The following DLG2 variants were observed in gnomAD, a reference collection of about 807,000 sequenced individuals.
DLG2 encodes the protein discs large MAGUK scaffold protein 2.
A neutral mutation model predicts 132.5 loss-of-function variants in DLG2; 45 were observed. The observed-to-expected ratio is 0.34, with a 90% CI of 0.27 to 0.44. DLG2 has a LOEUF of 0.44. DLG2 is among the 20% of genes least tolerant of loss of function. DLG2 has a pLI of 1.00. For synonymous variants in DLG2, 424 were observed against 419.6 expected (o/e 1.01, Z -0.13); for missense variants, 1,045 against 1,196.9 (o/e 0.87, Z 1.87).
intron 7 of DLG2, among the ~76,000 whole-genome samples, chr11:84,352,724 C>T (rs142158792): frequency 6.6e-5 from 10 of 152,154 alleles, no homozygotes; most frequent in South Asian, 2.1e-4. Context: ...TAATATTCCC[C>T]GAAATTCTGG....
At chr11:85,568,945 G>A (rs2077689820) in intron 3 of DLG2, among the ~76,000 whole-genome samples, 1 of 151,978 alleles carries the variant, frequency 6.6e-6, no homozygotes, top group Admixed American at 6.6e-5. Context: ...TTCCCTGTTT[G>A]CTTTGGGTTT....
At chr11:83,962,806 C>G (rs2089185465) in intron 14 of DLG2, 79 bp downstream of exon 14, 1 of 1,551,414 alleles carries the variant, frequency 6.4e-7, no homozygotes, top group Middle Eastern at 1.7e-4. Context: ...GCATCCAAAA[C>G]AACACCTGAC....
intron 17 of DLG2, among the ~76,000 whole-genome samples, chr11:83,788,279 C>A (rs529103157): frequency 1.8e-4 from 28 of 152,298 alleles, no homozygotes; most frequent in Middle Eastern, 3.4e-3. Flanking sequence ...ATAATAACTT[C>A]GTTAACATCT....
chr11:84,972,110 A>G (rs1393215516), intron 6 of DLG2, among the ~76,000 whole-genome samples: 2 of 152,162 alleles, frequency 1.3e-5, no homozygotes, highest in African/African-American at 4.8e-5. Flanking sequence ...ACTGTTTTAA[A>G]TTCTTATCAC....
chr11:84,278,584 A>T (rs555896699), intron 7 of DLG2, among the ~76,000 whole-genome samples: 175 of 152,232 alleles, frequency 1.1e-3, no homozygotes, highest in African/African-American at 3.9e-3. Context: ...TTCTTAAAAA[A>T]TTTTTTAGCA....
At chr11:85,121,931 T>C (rs1197275399) in intron 5 of DLG2, among the ~76,000 whole-genome samples, 1 of 152,174 alleles carries the variant, frequency 6.6e-6, no homozygotes, top group Non-Finnish European at 1.5e-5. Flanking sequence ...CAGAAGTACA[T>C]GGATATCTAC....
In DLG2 at chr11:84,139,489, G is replaced by C. The variant is rs1276045511; in HGVS notation, c.624+23972C>G. Among the ~76,000 whole-genome samples the C allele has an allele frequency of 2.6e-5, 4 of 151,638 alleles. No homozygotes were observed. In the East Asian group the frequency reaches 7.7e-4, roughly 29 times the overall value. Reference sequence around the variant, plus strand: ...AGGCCTATAACATGAATAGCAATTGGACTAGTAGTAATAATAATAATTACT... The same window carrying C: ...AGGCCTATAACATGAATAGCAATTGCACTAGTAGTAATAATAATAATTACT... On this transcript the variant is annotated intron_variant, in intron 9 of 27. Transcript: ENST00000376104.
intron 6 of DLG2, among the ~76,000 whole-genome samples, chr11:84,866,780 A>G (rs2084638477): frequency 6.6e-6 from 1 of 152,136 alleles, no homozygotes; most frequent in African/African-American, 2.4e-5. Context: ...TTTTTTGAAA[A>G]AAGTGAAGAA....
chr11:83,874,307 AGAAG>A (rs2064180760), intron 16 of DLG2, 109 bp downstream of exon 16: 3 of 546,020 alleles, frequency 5.5e-6, no homozygotes, highest in Non-Finnish European at 8.7e-6. Context: ...AAGGAAGGAA[AGAAG>A]GAAGGGAGGG....
At chr11:84,439,070 G>T (rs1033775257) in intron 7 of DLG2, among the ~76,000 whole-genome samples, 1 of 152,154 alleles carries the variant, frequency 6.6e-6, no homozygotes, top group Non-Finnish European at 1.5e-5. Flanking sequence ...ACAGGACATT[G>T]GTAGTCAGAA....
At chr11:85,516,779 A>G (rs1236450378) in intron 3 of DLG2, among the ~76,000 whole-genome samples, 2 of 152,044 alleles carry the variant, frequency 1.3e-5, no homozygotes, top group Non-Finnish European at 2.9e-5. Context: ...AATCAGTAAT[A>G]AAAACTTTCC....
At chr11:84,943,044 C>T (rs927778238) in intron 6 of DLG2, among the ~76,000 whole-genome samples, 1 of 151,966 alleles carries the variant, frequency 6.6e-6, no homozygotes, top group Admixed American at 6.6e-5. Flanking sequence ...GTGACTCCTG[C>T]TCTTTTTTGG....
At chr11:84,718,679 T>A (rs2061479029) in intron 6 of DLG2, among the ~76,000 whole-genome samples, 1 of 152,222 alleles carries the variant, frequency 6.6e-6, no homozygotes, top group African/African-American at 2.4e-5. Flanking sequence ...TTCATGGGAA[T>A]GGATTTTAAA....
chr11:85,132,412 G>A lies in DLG2; in HGVS notation c.283-20677C>T, dbSNP rs369020519. On this transcript the variant is annotated intron_variant, in intron 5 of 27. Transcript: ENST00000376104. ...GCTAATTATCACACTCAGAAAGACT[G>A]CCCTGATATGTTAAGTTAAACTGAT... Among the ~76,000 whole-genome samples the A allele has an allele frequency of 3.3e-5, 5 of 152,010 alleles. No homozygotes were observed. In the East Asian group the frequency reaches 9.7e-4, roughly 29 times the overall value.
intron 3 of DLG2, among the ~76,000 whole-genome samples, chr11:85,533,116 C>T (rs894820808): frequency 2.6e-5 from 4 of 152,114 alleles, no homozygotes; most frequent in South Asian, 2.1e-4. Flanking sequence ...CTCCCCCTCC[C>T]GGGTTCAAGC....
chr11:85,006,722 A>G (rs1262270559), intron 6 of DLG2, among the ~76,000 whole-genome samples: 1 of 150,768 alleles, frequency 6.6e-6, no homozygotes, highest in African/African-American at 2.4e-5. Context: ...TCTTGTCTCT[A>G]TCTCCTTCAG....
chr11:85,475,432 C>T (rs1250857068), intron 3 of DLG2, among the ~76,000 whole-genome samples: 3 of 151,984 alleles, frequency 2.0e-5, no homozygotes, highest in Admixed American at 6.6e-5. Flanking sequence ...ACATTATATG[C>T]CAATTTTATT....
chr11:84,703,789 A>G (rs1439907849), intron 6 of DLG2, among the ~76,000 whole-genome samples: 1 of 148,592 alleles, frequency 6.7e-6, no homozygotes, highest in Non-Finnish European at 1.5e-5. Context: ...AAATGTCCAT[A>G]AGAGCTCCTG....
At chr11:84,126,212 G>A (rs999712338) in intron 9 of DLG2, among the ~76,000 whole-genome samples, 6 of 152,052 alleles carry the variant, frequency 3.9e-5, no homozygotes, top group African/African-American at 1.4e-4. Flanking sequence ...AGCCACGAAG[G>A]GTCAGGAGAA....
Sources: allele counts gnomAD v4.1 joint callset (sites outside exome capture counted in the v4.1 genomes callset), GRCh38; gene constraint gnomAD v4.1.1; transcripts MANE v1.5; gene names NCBI Gene and HGNC (gene_info 2026-07-23, HGNC 2026-07-21).